The following FRMD4A variants were observed in gnomAD, a reference collection of about 807,000 sequenced individuals.
FRMD4A encodes the protein FERM domain-containing protein 4A.
Under a neutral mutation model 129.1 loss-of-function variants are expected in FRMD4A, and 29 were observed. The observed-to-expected ratio is 0.22, with a 90% CI of 0.17 to 0.31. The LOEUF (loss-of-function observed/expected upper bound fraction) is 0.31, where lower values mean the gene tolerates loss of function less well. FRMD4A is among the 10% of genes least tolerant of loss of function. FRMD4A has a pLI of 1.00. For missense variants in FRMD4A, 1,272 were observed against 1,375.8 expected, an observed-to-expected ratio of 0.92 and a Z score of 1.19; for synonymous variants, 634 against 571.6, an observed-to-expected ratio of 1.11 and a Z score of -1.56.
intron 2 of FRMD4A, among the ~76,000 whole-genome samples, chr10:14,011,730 G>A (rs959548585): frequency 1.8e-4 from 27 of 152,162 alleles, no homozygotes; most frequent in African/African-American, 5.3e-4. Flanking sequence ...AAGAGAAGGC[G>A]GGACACGGTG....
chr10:14,326,019 T>TA lies in FRMD4A; in HGVS notation c.45+4038dup, dbSNP rs527543668. ...TTCTCTGACTTGTGAATTGAGTTTTTATACATTTAATTTTTTATGTTATAA... is the reference window on the plus strand; with the variant it reads ...TTCTCTGACTTGTGAATTGAGTTTTTAATACATTTAATTTTTTATGTTATAA... On this transcript the variant is annotated intron_variant, in intron 2 of 24. Transcript: ENST00000357447. Among the ~76,000 whole-genome samples, 6 of 152,360 alleles carry TA rather than the reference T, an allele frequency of 3.9e-5. No individual in the cohort carries two copies. The East Asian group carries it at 1.2e-3, about 29-fold the overall frequency.
At chr10:13,877,696 G>C (rs2094502419) in intron 2 of FRMD4A, among the ~76,000 whole-genome samples, 2 of 152,250 alleles carry the variant, frequency 1.3e-5, no homozygotes, top group Middle Eastern at 3.2e-3. Flanking sequence ...AAAGGGTTCT[G>C]CTGGAATGTC....
At chr10:14,294,040 C>T (rs1295365370) in intron 2 of FRMD4A, among the ~76,000 whole-genome samples, 1 of 152,136 alleles carries the variant, frequency 6.6e-6, no homozygotes. Flanking sequence ...CCAAGAAAAG[C>T]AATGAAATTA....
Position 13,689,814 on chromosome 10 carries a change from G to A in FRMD4A, c.1117+4084C>T, listed in dbSNP as rs142902977. 3.8e-3 allele frequency among the ~76,000 whole-genome samples: 543 copies of A among 141,834 alleles called. 3 individuals are homozygous for A. The highest frequency in any genetic ancestry group is 0.012 in the African/African-American group (457 of 39,116). The allele number at this position is 141,834 out of a possible 152,430, so 93.0% of individuals were successfully genotyped here. The stretch of plus-strand genomic sequence containing the variant: ...CTGGCTTCAAGTGATCCTCCCCACC[G>A]CCCCAAACCCCTACCCTCCTGAATA... On this transcript the variant is annotated intron_variant, in intron 15 of 24. Transcript: ENST00000357447.
At chr10:14,030,839 C>T (rs1000551439) in intron 2 of FRMD4A, among the ~76,000 whole-genome samples, 5 of 152,136 alleles carry the variant, frequency 3.3e-5, no homozygotes, top group Non-Finnish European at 1.5e-5. Context: ...ATGCATTTTC[C>T]ATTTTGACAG....
intron 15 of FRMD4A, among the ~76,000 whole-genome samples, chr10:13,690,763 C>T (rs1033573475): frequency 6.6e-6 from 1 of 152,202 alleles, no homozygotes; most frequent in African/African-American, 2.4e-5. Flanking sequence ...ACTACTAACT[C>T]CTAATCACCT....
At chr10:14,112,389 G>C (rs1011069378) in intron 2 of FRMD4A, among the ~76,000 whole-genome samples, 1 of 152,140 alleles carries the variant, frequency 6.6e-6, no homozygotes, top group African/African-American at 2.4e-5. Flanking sequence ...AGCAGTTTGC[G>C]GCGGTCTCGA....
chr10:14,093,903 C>T (rs935090410), intron 2 of FRMD4A, among the ~76,000 whole-genome samples: 1 of 152,186 alleles, frequency 6.6e-6, no homozygotes, highest in Non-Finnish European at 1.5e-5. Context: ...TTCACTGCCA[C>T]CTAGTGAATT....
chr10:14,144,658 T>C (rs958585429), intron 2 of FRMD4A, among the ~76,000 whole-genome samples: 1 of 152,198 alleles, frequency 6.6e-6, no homozygotes, highest in Non-Finnish European at 1.5e-5. Flanking sequence ...GGTGATCTCA[T>C]GCTGGGGTGC....
intron 2 of FRMD4A, among the ~76,000 whole-genome samples, chr10:14,229,200 T>A (rs1394158260): frequency 6.6e-6 from 1 of 152,108 alleles, no homozygotes. Context: ...ACTTTCTCAT[T>A]TGACTAGTTC....
At chr10:14,127,948 T>TTCTTTCTTTCTTTCTTTCTTTCTC (rs1838952879) in intron 2 of FRMD4A, among the ~76,000 whole-genome samples, 5 of 18,824 alleles carry the variant, frequency 2.7e-4, no homozygotes, top group Admixed American at 1.2e-3. Flanking sequence ...CTTTCTTTCT[T>TTCTTTCTTTCTTTCTTTCTTTCTC]TCTTTCTTTC....
intron 3 of FRMD4A, among the ~76,000 whole-genome samples, chr10:13,840,407 T>G (rs1388008674): frequency 6.6e-6 from 1 of 152,126 alleles, no homozygotes; most frequent in African/African-American, 2.4e-5. Context: ...CCTCAAGAAC[T>G]GTGAGAAATA....
chr10:14,270,518 A>G (rs1246092057), intron 2 of FRMD4A, among the ~76,000 whole-genome samples: 1 of 152,208 alleles, frequency 6.6e-6, no homozygotes, highest in African/African-American at 2.4e-5. Context: ...GCAGAGAGCC[A>G]TCTGGAGTTA....
At chr10:13,879,732 T>TCCTCCTCTCCCTTCTCCCC (rs2094526026) in intron 2 of FRMD4A, among the ~76,000 whole-genome samples, 1 of 133,884 alleles carries the variant, frequency 7.5e-6, no homozygotes, top group African/African-American at 2.8e-5. Context: ...CCCTTCTCCC[T>TCCTCCTCTCCCTTCTCCCC]CCTCCTCTCC....
intron 3 of FRMD4A, among the ~76,000 whole-genome samples, chr10:13,845,180 T>C (rs890068352): frequency 6.6e-6 from 1 of 152,230 alleles, no homozygotes. Context: ...GCACAAAACC[T>C]AGTCCACTTA....
In FRMD4A at chr10:14,128,740, T is replaced by C. The variant is rs898602097; in HGVS notation, c.45+201318A>G. On this transcript the variant is annotated intron_variant, in intron 2 of 24. Coordinates refer to ENST00000357447, the MANE Select transcript of FRMD4A (RefSeq NM_018027.5). ...TGTAGGTTGCAAAGCACCACATGCA[T>C]ATTAAATACCTTCATCTTTACCACC... Among the ~76,000 whole-genome samples the C allele has an allele frequency of 2.6e-5, 4 of 152,286 alleles. No homozygotes were observed. In the South Asian group the frequency reaches 8.3e-4, roughly 32 times the overall value.
At chr10:13,845,151 C>G (rs1450272169) in intron 3 of FRMD4A, among the ~76,000 whole-genome samples, 1 of 152,200 alleles carries the variant, frequency 6.6e-6, no homozygotes, top group African/African-American at 2.4e-5. Flanking sequence ...AGAATGATGA[C>G]TGATTTGACA....
chr10:14,271,324 G>A (rs943467343), intron 2 of FRMD4A, among the ~76,000 whole-genome samples: 8 of 152,186 alleles, frequency 5.3e-5, no homozygotes, highest in Non-Finnish European at 7.3e-5. Flanking sequence ...TTCCAGGTCC[G>A]GGTTGCAGGT....
chr10:14,084,662 A>G (rs1836151857), intron 2 of FRMD4A, among the ~76,000 whole-genome samples: 2 of 152,118 alleles, frequency 1.3e-5, no homozygotes, highest in Admixed American at 1.3e-4. Flanking sequence ...TGCCTCCTTT[A>G]TCAGGGTCCT....
Sources: allele counts gnomAD v4.1 joint callset (sites outside exome capture counted in the v4.1 genomes callset), GRCh38; gene constraint gnomAD v4.1.1; transcripts MANE v1.5; gene names NCBI Gene and HGNC (gene_info 2026-07-23, HGNC 2026-07-21).